RYK: variants seen among roughly 807,000 people sequenced by gnomAD.
RYK encodes receptor like tyrosine kinase.
In RYK, 21 loss-of-function variants were observed where a neutral mutation model predicts 70.2. The ratio of observed to expected loss-of-function variants is 0.30; its 90% CI spans 0.21 to 0.43. The LOEUF is 0.43. RYK is among the 20% of genes least tolerant of loss of function. The probability of loss-of-function intolerance (pLI) is 1.00; values close to 1 mark genes in which losing one functional copy is unlikely to be tolerated. For missense variants in RYK, 604 were observed against 753.3 expected, an observed-to-expected ratio of 0.80 and a Z score of 2.32; for synonymous variants, 267 against 278.0, an observed-to-expected ratio of 0.96 and a Z score of 0.39.
chr3:134,239,029 G>A (rs1329110352), intron 1 of RYK, among the ~76,000 whole-genome samples: 2 of 152,130 alleles, frequency 1.3e-5, no homozygotes, highest in Non-Finnish European at 2.9e-5. Context: ...GTGCAGTAGG[G>A]GAGAGACAAA....
intron 1 of RYK, among the ~76,000 whole-genome samples, chr3:134,249,904 T>C (rs911172295): frequency 6.8e-6 from 1 of 148,138 alleles, no homozygotes; most frequent in African/African-American, 2.5e-5. Flanking sequence ...TAACCTCCCC[T>C]TCTTTCTCTC....
Position 134,250,454 on chromosome 3 carries a change from G to A in RYK, c.201C>T (p.Tyr67=), listed in dbSNP as rs754578580. ...GCCGGCGCACCTCGTCCTCGCTCAGGTAGAGACTCACGCTGGGCCCCGCGG... is the reference window on the plus strand; with the variant it reads ...GCCGGCGCACCTCGTCCTCGCTCAGATAGAGACTCACGCTGGGCCCCGCGG... ...SASAGPSVSL[Y]LSEDEVRRLI... Residue 67 remains tyrosine, a synonymous_variant, in exon 1 of 15, where the codon TAC becomes TAT. Transcript: ENST00000623711. The A allele has an allele frequency of 1.2e-5, 17 of 1,403,006 alleles. No individual in the cohort carries two copies. In the South Asian group the frequency reaches 2.5e-4, roughly 21 times the overall value. 86.9% of individuals were successfully genotyped at this position (1,403,006 alleles called of 1,614,324 possible). A position where few individuals can be genotyped will look rare whatever the true frequency, so the allele number is the denominator to read the frequency against.
chr3:134,249,106 G>A (rs2015542472), intron 1 of RYK, among the ~76,000 whole-genome samples: 1 of 152,088 alleles, frequency 6.6e-6, no homozygotes, highest in Non-Finnish European at 1.5e-5. Flanking sequence ...AAATTAATGT[G>A]ATATGAGTCG....
rs537461495 is a variant in RYK, at chr3:134,203,921, T to C, written c.644-1047A>G. ...ATGTTTTAATTTTACTTCACTGTAA[T>C]TAAAGTTAAAAAGCCACATGTGGCT... On this transcript the variant is annotated intron_variant, in intron 5 of 14. Coordinates refer to ENST00000623711, the MANE Select transcript of RYK (RefSeq NM_002958.4). 2.6e-5 allele frequency among the ~76,000 whole-genome samples: 4 copies of C among 152,268 alleles called. No individual in the cohort carries two copies. The South Asian group carries it at 8.3e-4, about 32-fold the overall frequency.
rs367570794 is a variant in RYK, at chr3:134,202,654, A to G, written c.788+76T>C. The G allele has an allele frequency of 7.0e-5, 92 of 1,309,382 alleles. No homozygotes were observed. The African/African-American group carries it at 1.2e-3, about 18-fold the overall frequency. 81.1% of individuals were successfully genotyped at this position (1,309,382 alleles called of 1,614,324 possible). ...CCCTCCTTTCCCTGCACCACTGTGC[A>G]TCGATGTGTATGGGCTCCCACATAT... On this transcript the variant is annotated intron_variant, in intron 6 of 14. Transcript: ENST00000623711.
At chr3:134,197,191 T>G (rs1283948630) in intron 6 of RYK, among the ~76,000 whole-genome samples, 1 of 152,182 alleles carries the variant, frequency 6.6e-6, no homozygotes, top group Non-Finnish European at 1.5e-5. Context: ...TATCATCTGG[T>G]CAGAGTGCTG....
At chr3:134,194,932 G>C in intron 7 of RYK, 150 bp downstream of exon 7, 1 of 568,098 alleles carries the variant, frequency 1.8e-6, no homozygotes. Context: ...CAATGCTCTA[G>C]AAAGCAAAAG....
intron 1 of RYK, among the ~76,000 whole-genome samples, chr3:134,237,261 T>C (rs543490936): frequency 3.3e-5 from 5 of 152,302 alleles, no homozygotes; most frequent in African/African-American, 4.8e-5. Flanking sequence ...AAGCTGTACA[T>C]ATGGTTCATT....
intron 1 of RYK, among the ~76,000 whole-genome samples, chr3:134,229,931 A>G (rs1401787664): frequency 1.3e-5 from 2 of 152,220 alleles, no homozygotes; most frequent in Non-Finnish European, 2.9e-5. Flanking sequence ...ACTCTTACAC[A>G]TTGCTAAGAG....
chr3:134,171,029 G>A (rs1308190352), intron 13 of RYK: 2 of 152,530 alleles, frequency 1.3e-5, no homozygotes, highest in East Asian at 3.8e-4. Flanking sequence ...CTGGACAAAG[G>A]TGGAAGAGAA....
chr3:134,160,532 C>CA (rs1265615000), intron 13 of RYK, among the ~76,000 whole-genome samples: 1 of 152,090 alleles, frequency 6.6e-6, no homozygotes, highest in South Asian at 2.1e-4. Flanking sequence ...CATTTCCCCC[C>CA]AGAATCTATG....
chr3:134,191,543 C>G (rs1004692047), intron 8 of RYK, among the ~76,000 whole-genome samples: 19 of 152,154 alleles, frequency 1.2e-4, no homozygotes, highest in African/African-American at 4.3e-4. Flanking sequence ...TAGACTATCT[C>G]AGAGAGACCT....
At chr3:134,187,158 G>A (rs1348169746) in intron 9 of RYK, among the ~76,000 whole-genome samples, 1 of 152,078 alleles carries the variant, frequency 6.6e-6, no homozygotes, top group Non-Finnish European at 1.5e-5. Context: ...TATTAAAGAG[G>A]TGTGTGTGTA....
intron 6 of RYK, among the ~76,000 whole-genome samples, chr3:134,196,840 G>C (rs1481227006): frequency 6.6e-6 from 1 of 152,044 alleles, no homozygotes; most frequent in Non-Finnish European, 1.5e-5. Flanking sequence ...AGATAGAAAT[G>C]TCCTGCAATA....
intron 1 of RYK, among the ~76,000 whole-genome samples, chr3:134,234,685 T>C (rs1320689120): frequency 1.3e-5 from 2 of 152,148 alleles, no homozygotes; most frequent in African/African-American, 4.8e-5. Flanking sequence ...CGCAATTATG[T>C]ATTCTTCCCA....
intron 2 of RYK, among the ~76,000 whole-genome samples, chr3:134,213,438 C>G (rs1004991142): frequency 6.6e-6 from 1 of 152,208 alleles, no homozygotes. Context: ...CATTCCAGAA[C>G]AGCTACCTTA....
At chr3:134,222,790 T>C (rs1359823852) in intron 1 of RYK, among the ~76,000 whole-genome samples, 3 of 152,174 alleles carry the variant, frequency 2.0e-5, no homozygotes, top group East Asian at 3.9e-4. Flanking sequence ...TAGAACTAGA[T>C]AGAACTCTGG....
rs1391207631 is a variant in RYK, at chr3:134,159,390, A to C, written c.1576-17T>G. On this transcript the variant is annotated splice_polypyrimidine_tract_variant and intron_variant, in intron 13 of 14. Coordinates refer to ENST00000623711, the MANE Select transcript of RYK (RefSeq NM_002958.4). Reference sequence around the variant, plus strand: ...AAAGGCCCACTAGTAAAGGAGCAGAAGCACAATGAGGGGACATTTAAAACA... The same window carrying C: ...AAAGGCCCACTAGTAAAGGAGCAGACGCACAATGAGGGGACATTTAAAACA... The C allele has an allele frequency of 6.3e-7, 1 of 1,577,910 alleles. No homozygotes were observed. The highest frequency in any genetic ancestry group is 2.3e-5 in the East Asian group (1 of 44,434).
chr3:134,235,343 A>G (rs999725065), intron 1 of RYK, among the ~76,000 whole-genome samples: 2 of 146,226 alleles, frequency 1.4e-5, no homozygotes, highest in African/African-American at 2.8e-5. Context: ...ATAGTCTATA[A>G]TGAGTATATT....
Sources: gnomAD v4.1 joint callset for allele counts (sites outside exome capture counted in the v4.1 genomes callset) on GRCh38, gnomAD v4.1.1 for gene constraint, MANE v1.5 for transcripts, NCBI Gene and HGNC (gene_info 2026-07-23, HGNC 2026-07-21) for gene names.